SBF2: variants seen among roughly 807,000 people sequenced by gnomAD.
SBF2 encodes myotubularin-related protein 13.
Under a neutral mutation model 225.2 loss-of-function variants are expected in SBF2, and 112 were observed. The observed-to-expected ratio is 0.50, with a 90% CI of 0.43 to 0.58. The LOEUF is 0.58. SBF2 is among the 20% of genes least tolerant of loss of function. The pLI, the probability that SBF2 is intolerant of heterozygous loss-of-function variation, is 0.00. For synonymous variants in SBF2, 763 were observed against 773.3 expected (o/e 0.99, Z 0.22); for missense variants, 1,996 against 2,206.2 (o/e 0.90, Z 1.91).
intron 2 of SBF2, among the ~76,000 whole-genome samples, chr11:10,067,872 C>T (rs1950690333): frequency 6.6e-6 from 1 of 151,976 alleles, no homozygotes; most frequent in Non-Finnish European, 1.5e-5. Flanking sequence ...AGCCTGGCAA[C>T]AAAATGATAC....
chr11:10,277,604 A>T (rs1963061335), intron 1 of SBF2, among the ~76,000 whole-genome samples: 1 of 152,210 alleles, frequency 6.6e-6, no homozygotes. Context: ...CTTTATTTGG[A>T]AACAGGGTCT....
At position 9,788,987 on chromosome 11, in the gene SBF2, A is replaced by AT. The variant is rs1428402704; in HGVS notation, c.4932+121dup. On this transcript the variant is annotated intron_variant, in intron 35 of 39. Coordinates refer to ENST00000256190, the MANE Select transcript of SBF2 (RefSeq NM_030962.4). ...GATGGGGAGCAAATCTGGTTTCTTCATAACCATAACCCTAGCTCAGAGTAA... is the reference window on the plus strand; with the variant it reads ...GATGGGGAGCAAATCTGGTTTCTTCATTAACCATAACCCTAGCTCAGAGTAA... 17 of 829,890 alleles carry AT rather than the reference A, an allele frequency of 2.0e-5. No individual in the cohort carries two copies. In the Admixed American group the frequency reaches 2.2e-4, roughly 11 times the overall value. The allele number at this position is 829,890 out of a possible 1,614,324, so 51.4% of individuals were successfully genotyped here.
chr11:10,273,288 T>C (rs1354843413), intron 1 of SBF2, among the ~76,000 whole-genome samples: 1 of 152,204 alleles, frequency 6.6e-6, no homozygotes, highest in Non-Finnish European at 1.5e-5. Context: ...TTCAACTTAA[T>C]TGCACAAGTT....
intron 3 of SBF2, among the ~76,000 whole-genome samples, chr11:10,035,813 G>C (rs1949412913): frequency 6.6e-6 from 1 of 152,142 alleles, no homozygotes; most frequent in African/African-American, 2.4e-5. Context: ...TACACTGTTG[G>C]GAGTGAAAAC....
chr11:10,142,365 G>A (rs1367263344), intron 2 of SBF2, among the ~76,000 whole-genome samples: 1 of 152,146 alleles, frequency 6.6e-6, no homozygotes, highest in Non-Finnish European at 1.5e-5. Context: ...GGACTGCAAG[G>A]TCTGACTCTC....
At chr11:10,264,746 C>G (rs757069873) in intron 1 of SBF2, among the ~76,000 whole-genome samples, 8 of 151,652 alleles carry the variant, frequency 5.3e-5, no homozygotes, top group Non-Finnish European at 7.4e-5. Context: ...CCCCCCACCC[C>G]CCGACAGGCC....
chr11:10,231,396 G>C (rs368502302), intron 1 of SBF2, among the ~76,000 whole-genome samples: 9 of 152,140 alleles, frequency 5.9e-5, no homozygotes, highest in East Asian at 5.8e-4. Context: ...GATTTTTAGA[G>C]TCTCTGGTTT....
intron 2 of SBF2, among the ~76,000 whole-genome samples, chr11:10,145,200 G>A (rs529419011): frequency 2.6e-5 from 4 of 152,226 alleles, no homozygotes; most frequent in African/African-American, 4.8e-5. Context: ...CCACTCATAC[G>A]CCTGGCACCT....
chr11:10,287,524 C>G (rs1307374626), intron 1 of SBF2, among the ~76,000 whole-genome samples: 1 of 152,144 alleles, frequency 6.6e-6, no homozygotes, highest in Non-Finnish European at 1.5e-5. Flanking sequence ...AATCCTCCAG[C>G]CTCAGCCTCC....
chr11:9,985,067 G>A (rs967165509), intron 13 of SBF2, among the ~76,000 whole-genome samples: 6 of 152,142 alleles, frequency 3.9e-5, no homozygotes, highest in East Asian at 1.9e-4. Flanking sequence ...CACAGGCAAC[G>A]AAGAGCACGA....
intron 14 of SBF2, among the ~76,000 whole-genome samples, chr11:9,965,922 T>C (rs1866878655): frequency 6.6e-6 from 1 of 152,190 alleles, no homozygotes; most frequent in African/African-American, 2.4e-5. Flanking sequence ...TAACTGAAAA[T>C]CTATCTATAT....
At chr11:9,797,834 G>A (rs1853223908) in intron 32 of SBF2, among the ~76,000 whole-genome samples, 1 of 152,188 alleles carries the variant, frequency 6.6e-6, no homozygotes, top group Admixed American at 6.5e-5. Context: ...TTAGCCAGGT[G>A]TGGTGGCACG....
intron 2 of SBF2, among the ~76,000 whole-genome samples, chr11:10,179,088 G>A (rs1306771377): frequency 8.7e-5 from 13 of 148,886 alleles, no homozygotes; most frequent in East Asian, 2.0e-4. Context: ...GTAAACTATC[G>A]CAAGAACAAA....
chr11:10,096,452 T>C (rs1478620010), intron 2 of SBF2, among the ~76,000 whole-genome samples: 1 of 142,702 alleles, frequency 7.0e-6, no homozygotes, highest in African/African-American at 2.6e-5. Context: ...AGTAATGAAA[T>C]GAGCCAAAAG....
At chr11:10,172,916 C>A (rs1010863740) in intron 2 of SBF2, among the ~76,000 whole-genome samples, 2 of 152,226 alleles carry the variant, frequency 1.3e-5, no homozygotes, top group African/African-American at 2.4e-5. Flanking sequence ...GACCCGCCCA[C>A]CTTGGCCTCC....
At chr11:10,126,115 T>A (rs1266517148) in intron 2 of SBF2, among the ~76,000 whole-genome samples, 1 of 152,194 alleles carries the variant, frequency 6.6e-6, no homozygotes, top group African/African-American at 2.4e-5. Context: ...TCAAGTTTCA[T>A]TCTGATACTT....
At chr11:10,059,266 G>C (rs558923481) in intron 2 of SBF2, among the ~76,000 whole-genome samples, 10 of 152,202 alleles carry the variant, frequency 6.6e-5, no homozygotes, top group African/African-American at 2.2e-4. Context: ...TTGTCTTCAA[G>C]AGACCCATCT....
At chr11:10,116,864 T>C (rs1590992320) in intron 2 of SBF2, among the ~76,000 whole-genome samples, 1 of 152,360 alleles carries the variant, frequency 6.6e-6, no homozygotes, top group East Asian at 1.9e-4. Context: ...GCTAGAGACA[T>C]TGTTATGTAA....
intron 22 of SBF2, among the ~76,000 whole-genome samples, chr11:9,848,052 T>G (rs1373582273): frequency 7.3e-6 from 1 of 136,774 alleles, no homozygotes; most frequent in Admixed American, 7.7e-5. Flanking sequence ...ATAACAGGAG[T>G]GGCAATGAAC....
Sources: gnomAD v4.1 joint callset for allele counts (sites outside exome capture counted in the v4.1 genomes callset) on GRCh38, gnomAD v4.1.1 for gene constraint, MANE v1.5 for transcripts, NCBI Gene and HGNC (gene_info 2026-07-23, HGNC 2026-07-21) for gene names.